ACYP2: variants seen among roughly 807,000 people sequenced by gnomAD.
ACYP2 encodes acylphosphatase 2.
In ACYP2, 12 loss-of-function variants were observed where a neutral mutation model predicts 11.2. That is an observed-to-expected ratio of 1.08 (90% confidence interval 0.69 to 1.74). The LOEUF is 1.74. Ranked by LOEUF, ACYP2 falls within the 40% of genes most tolerant of loss-of-function variation. The pLI, the probability that ACYP2 is intolerant of heterozygous loss-of-function variation, is 0.00. For missense variants in ACYP2, 134 were observed against 101.9 expected (o/e 1.31, Z -1.35); for synonymous variants, 43 against 32.2 (o/e 1.33, Z -1.13).
At chr2:54,270,363 A>G (rs17189799) in intron 6 of ACYP2, among the ~76,000 whole-genome samples, 3,633 of 152,310 alleles carry the variant, frequency 0.024, 90 homozygotes, top group Middle Eastern at 0.027. Flanking sequence ...TTAATGCACT[A>G]TGATCTTACT....
At chr2:54,079,706 T>C (rs1315185651) in intron 4 of ACYP2, among the ~76,000 whole-genome samples, 1 of 152,178 alleles carries the variant, frequency 6.6e-6, no homozygotes, top group Non-Finnish European at 1.5e-5. Flanking sequence ...CAGATCCAGA[T>C]TTAGGTTCGG....
chr2:54,269,371 T>TTAAAAGATGAAGACCTTTATCTAAA (rs1390156818), intron 6 of ACYP2, among the ~76,000 whole-genome samples: 2 of 152,208 alleles, frequency 1.3e-5, no homozygotes, highest in Non-Finnish European at 2.9e-5. Context: ...AAATTCACAG[T>TTAAAAGATGAAGACCTTTATCTAAA]TAAAAGATGA....
chr2:54,033,410 A>C (rs904766247), intron 2 of ACYP2, among the ~76,000 whole-genome samples: 4 of 151,116 alleles, frequency 2.6e-5, no homozygotes, highest in Non-Finnish European at 5.9e-5. Context: ...ACAGGGTCCC[A>C]CTGTGTTGCC....
intron 3 of ACYP2, among the ~76,000 whole-genome samples, chr2:54,052,494 T>C (rs1222272316): frequency 6.6e-6 from 1 of 152,186 alleles, no homozygotes; most frequent in Non-Finnish European, 1.5e-5. Flanking sequence ...GGAATTGTAA[T>C]TTTTCATCTT....
chr2:54,127,680 G>A (rs958850141), intron 4 of ACYP2, among the ~76,000 whole-genome samples: 8 of 149,256 alleles, frequency 5.4e-5, no homozygotes, highest in Admixed American at 2.0e-4. Flanking sequence ...CCTGGGAGGC[G>A]GAGGTTGCAA....
chr2:53,986,347 T>G (rs939909414), intron 2 of ACYP2, among the ~76,000 whole-genome samples: 4 of 151,420 alleles, frequency 2.6e-5, no homozygotes, highest in African/African-American at 7.3e-5. Flanking sequence ...AACCTCTTTT[T>G]TTTTTTTTTG....
At chr2:54,092,413 T>A (rs1678284695) in intron 4 of ACYP2, among the ~76,000 whole-genome samples, 1 of 152,168 alleles carries the variant, frequency 6.6e-6, no homozygotes, top group South Asian at 2.1e-4. Context: ...TCCTGCCCAG[T>A]TGTGATGGTA....
At chr2:54,268,996 A>G (rs1688163733) in intron 6 of ACYP2, among the ~76,000 whole-genome samples, 1 of 152,236 alleles carries the variant, frequency 6.6e-6, no homozygotes, top group Admixed American at 6.5e-5. Flanking sequence ...AGTTTGTGTC[A>G]TCATTTCCAT....
intron 2 of ACYP2, among the ~76,000 whole-genome samples, chr2:53,985,101 G>A (rs1210276075): frequency 7.2e-6 from 1 of 139,042 alleles, no homozygotes; most frequent in Admixed American, 7.7e-5. Context: ...ATGGAGTCTC[G>A]CTCTGTTGCC....
chr2:54,028,929 C>G (rs1389729985), intron 2 of ACYP2, among the ~76,000 whole-genome samples: 1 of 152,136 alleles, frequency 6.6e-6, no homozygotes, highest in African/African-American at 2.4e-5. Context: ...GAACTGGTGG[C>G]TGGAGGATCA....
At chr2:54,165,427 G>A (rs983108705) in intron 6 of ACYP2, among the ~76,000 whole-genome samples, 1 of 151,672 alleles carries the variant, frequency 6.6e-6, no homozygotes, top group Admixed American at 6.6e-5. Flanking sequence ...GATCTAGAAG[G>A]GACCTGAGAG....
chr2:54,075,520 A>AAAG (rs60451237), intron 4 of ACYP2, among the ~76,000 whole-genome samples: 17,562 of 143,186 alleles, frequency 0.12, 1,105 homozygotes, highest in East Asian at 0.27. Flanking sequence ...AAAAAGAAAG[A>AAAG]AAAAAAAAAA....
chr2:54,030,415 T>C (rs1485044066), intron 2 of ACYP2, among the ~76,000 whole-genome samples: 2 of 152,208 alleles, frequency 1.3e-5, no homozygotes, highest in Non-Finnish European at 2.9e-5. Flanking sequence ...TATGTTTCAT[T>C]TCTAGCTTTG....
intron 6 of ACYP2, among the ~76,000 whole-genome samples, chr2:54,194,334 C>T (rs1237249869): frequency 1.3e-5 from 2 of 152,080 alleles, no homozygotes; most frequent in Non-Finnish European, 2.9e-5. Flanking sequence ...GCCACCGCGC[C>T]CAGCCCCCAT....
intron 6 of ACYP2, among the ~76,000 whole-genome samples, chr2:54,218,421 A>G (rs561713844): frequency 6.6e-6 from 1 of 152,322 alleles, no homozygotes; most frequent in South Asian, 2.1e-4. Context: ...TATGTCTTGT[A>G]TTCAATTGAC....
intron 6 of ACYP2, among the ~76,000 whole-genome samples, chr2:54,221,709 C>T (rs1251742191): frequency 6.6e-6 from 1 of 151,652 alleles, no homozygotes; most frequent in East Asian, 1.9e-4. Flanking sequence ...TTAGTAGAGA[C>T]AAGGTTTTCA....
intron 6 of ACYP2, among the ~76,000 whole-genome samples, chr2:54,235,493 C>T (rs1189052175): frequency 6.6e-6 from 1 of 152,072 alleles, no homozygotes; most frequent in Non-Finnish European, 1.5e-5. Context: ...GGACTATAGG[C>T]GCCCACCACC....
chr2:54,296,204 T>C (rs899960702), intron 6 of ACYP2, among the ~76,000 whole-genome samples: 5 of 152,166 alleles, frequency 3.3e-5, no homozygotes, highest in African/African-American at 9.7e-5. Context: ...CCTTTTCACA[T>C]AGGGGCAGTC....
At chr2:54,203,230 G>T (rs1386253795) in intron 6 of ACYP2, among the ~76,000 whole-genome samples, 1 of 151,860 alleles carries the variant, frequency 6.6e-6, no homozygotes, top group South Asian at 2.1e-4. Context: ...TGAAGATACT[G>T]TAAATGGAAT....
Sources: gnomAD v4.1 joint callset for allele counts (sites outside exome capture counted in the v4.1 genomes callset) on GRCh38, gnomAD v4.1.1 for gene constraint, MANE v1.5 for transcripts, NCBI Gene and HGNC (gene_info 2026-07-23, HGNC 2026-07-21) for gene names.